The following OSTF1 variants were observed in gnomAD, a reference collection of about 807,000 sequenced individuals.
The protein encoded by OSTF1 is osteoclast stimulating factor 1.
OSTF1 carries 27 observed loss-of-function variants against 37.2 expected under a neutral mutation model. That is an observed-to-expected ratio of 0.73 (90% CI 0.54 to 1.00). The LOEUF is 1.00. OSTF1 is among the 50% of genes least tolerant of loss of function. The pLI is 0.00. For synonymous variants in OSTF1, 82 were observed against 89.2 expected, an observed-to-expected ratio of 0.92 and a Z score of 0.46; for missense variants, 232 against 253.8, an observed-to-expected ratio of 0.91 and a Z score of 0.58.
intron 1 of OSTF1, among the ~76,000 whole-genome samples, chr9:75,104,245 A>G (rs948715070): frequency 1.3e-5 from 2 of 151,928 alleles, no homozygotes; most frequent in East Asian, 3.9e-4. Flanking sequence ...ACCCTGTCTC[A>G]AACAAAAAAA....
intron 5 of OSTF1, among the ~76,000 whole-genome samples, chr9:75,132,316 T>TG (rs1825773100): frequency 7.0e-6 from 1 of 142,340 alleles, no homozygotes; most frequent in Non-Finnish European, 1.6e-5. Flanking sequence ...CTAACAGGGA[T>TG]GAACCTGGGG....
chr9:75,132,962 TACACACACATACACAC>T (rs1276997235), intron 5 of OSTF1, among the ~76,000 whole-genome samples: 5 of 97,702 alleles, frequency 5.1e-5, no homozygotes, highest in African/African-American at 2.4e-4. Context: ...TATATACACA[TACACACACATACACAC>T]ACACACACAC....
intron 1 of OSTF1, among the ~76,000 whole-genome samples, chr9:75,096,293 G>C (rs1002761899): frequency 1.3e-5 from 2 of 152,200 alleles, no homozygotes; most frequent in Non-Finnish European, 2.9e-5. Flanking sequence ...CTTACATTTG[G>C]GATTAGAGTT....
At chr9:75,097,077 G>C (rs998543199) in intron 1 of OSTF1, among the ~76,000 whole-genome samples, 7 of 152,158 alleles carry the variant, frequency 4.6e-5, no homozygotes, top group African/African-American at 1.7e-4. Context: ...TTCAGGCAAG[G>C]AAAGTGTCCA....
chr9:75,102,235 A>G (rs1193602064), intron 1 of OSTF1, among the ~76,000 whole-genome samples: 1 of 152,158 alleles, frequency 6.6e-6, no homozygotes, highest in East Asian at 1.9e-4. Context: ...TTGGCCTCCC[A>G]AAGTGCTGGG....
At chr9:75,128,363 CATAT>C (rs1174174895) in intron 3 of OSTF1, among the ~76,000 whole-genome samples, 788 of 11,458 alleles carry the variant, frequency 0.069, 84 homozygotes, top group Admixed American at 0.13. Flanking sequence ...GTATGAAAGA[CATAT>C]ATATATATAT....
intron 2 of OSTF1, among the ~76,000 whole-genome samples, chr9:75,118,982 G>C (rs1825536853): frequency 6.6e-6 from 1 of 152,138 alleles, no homozygotes; most frequent in African/African-American, 2.4e-5. Context: ...CTTTCTCTCT[G>C]TGGGCAGTCA....
chr9:75,142,129 G>C (rs550641468), intron 9 of OSTF1, among the ~76,000 whole-genome samples: 52 of 152,270 alleles, frequency 3.4e-4, no homozygotes, highest in Non-Finnish European at 5.7e-4. Flanking sequence ...TAGTGTAACT[G>C]CTAATCAGTT....
At chr9:75,133,184 T>C in intron 5 of OSTF1, 110 bp from the exon 6 acceptor site, 2 of 655,532 alleles carry the variant, frequency 3.1e-6, no homozygotes, top group Non-Finnish European at 5.5e-6. Flanking sequence ...TAATACTTGC[T>C]GATTAATCCA....
intron 1 of OSTF1, among the ~76,000 whole-genome samples, chr9:75,111,291 G>T (rs981692387): frequency 1.3e-5 from 2 of 152,026 alleles, no homozygotes; most frequent in Non-Finnish European, 2.9e-5. Context: ...CTATGAACAG[G>T]GATTCATTTA....
At chr9:75,102,250 C>T (rs1211758075) in intron 1 of OSTF1, among the ~76,000 whole-genome samples, 1 of 152,180 alleles carries the variant, frequency 6.6e-6, no homozygotes, top group Non-Finnish European at 1.5e-5. Flanking sequence ...GCTGGGATTA[C>T]AAGTGTGATC....
chr9:75,144,047 G>A (rs1249121664), intron 9 of OSTF1, among the ~76,000 whole-genome samples: 1 of 152,202 alleles, frequency 6.6e-6, no homozygotes, highest in African/African-American at 2.4e-5. Flanking sequence ...TTAGGATAGT[G>A]GAGTAGAAGG....
chr9:75,090,296 TGTGTG>T (rs1479579730), intron 1 of OSTF1, among the ~76,000 whole-genome samples: 1 of 1,642 alleles, frequency 6.1e-4, no homozygotes, highest in African/African-American at 0.012. Context: ...CATTGACAGG[TGTGTG>T]TGTGTGTGTG....
intron 2 of OSTF1, among the ~76,000 whole-genome samples, chr9:75,122,093 T>C (rs1180186186): frequency 6.6e-6 from 1 of 152,192 alleles, no homozygotes; most frequent in African/African-American, 2.4e-5. Flanking sequence ...CCCAGCTCCT[T>C]TTAATAAAGT....
chr9:75,126,149 A>G (rs1248384681), intron 2 of OSTF1, among the ~76,000 whole-genome samples: 1 of 152,118 alleles, frequency 6.6e-6, no homozygotes, highest in Non-Finnish European at 1.5e-5. Context: ...GCCTGTCCTC[A>G]AGTGATCTGC....
At chr9:75,108,014 A>G (rs1435866691) in intron 1 of OSTF1, among the ~76,000 whole-genome samples, 2 of 152,032 alleles carry the variant, frequency 1.3e-5, no homozygotes, top group Non-Finnish European at 2.9e-5. Flanking sequence ...AGGTGGGAGG[A>G]TTGCTTGAAG....
At chr9:75,133,976 G>C (rs772523622) in intron 6 of OSTF1, among the ~76,000 whole-genome samples, 2 of 152,122 alleles carry the variant, frequency 1.3e-5, no homozygotes, top group Non-Finnish European at 2.9e-5. Context: ...AATAAGAAAT[G>C]AAGATCTCAA....
chr9:75,109,241 A>G (rs1206945988), intron 1 of OSTF1, among the ~76,000 whole-genome samples: 1 of 151,982 alleles, frequency 6.6e-6, no homozygotes, highest in Non-Finnish European at 1.5e-5. Flanking sequence ...CCAACTCCTG[A>G]TCTCAAGTGA....
At chr9:75,133,447 GT>G in intron 6 of OSTF1, 46 bp downstream of exon 6, 1 of 1,163,250 alleles carries the variant, frequency 8.6e-7, no homozygotes, top group East Asian at 2.4e-5. Flanking sequence ...CTGAAAATGT[GT>G]TTCACCTACG....
Sources: gnomAD v4.1 joint callset for allele counts (sites outside exome capture counted in the v4.1 genomes callset) on GRCh38, gnomAD v4.1.1 for gene constraint, MANE v1.5 for transcripts, NCBI Gene and HGNC (gene_info 2026-07-23, HGNC 2026-07-21) for gene names.